Variants in HTR1F observed in about 807,000 individuals in gnomAD.
HTR1F encodes the protein 5-hydroxytryptamine receptor 1F, also known as 5-hydroxytryptamine (serotonin) receptor 1F, G protein-coupled.
In HTR1F, 17 loss-of-function variants were observed where a neutral mutation model predicts 24.0. The observed-to-expected ratio is 0.71, with a 90% CI of 0.48 to 1.06. HTR1F has a LOEUF of 1.06. HTR1F is among the 50% of genes least tolerant of loss of function. HTR1F has a pLI of 0.00. For synonymous variants in HTR1F, 186 were observed against 156.8 expected (o/e 1.19, Z -1.39); for missense variants, 391 against 427.8 (o/e 0.91, Z 0.76).
chr3:87,829,021 T>G (rs1228265914), intron 2 of HTR1F, among the ~76,000 whole-genome samples: 1 of 151,296 alleles, frequency 6.6e-6, no homozygotes, highest in African/African-American at 2.5e-5. Flanking sequence ...TTTTAAAAAT[T>G]TATTGTGGCA....
chr3:87,985,960 G>C (rs1403065054), intron 2 of HTR1F, among the ~76,000 whole-genome samples: 1 of 152,178 alleles, frequency 6.6e-6, no homozygotes, highest in Non-Finnish European at 1.5e-5. Flanking sequence ...AATAAAACCT[G>C]GGGAAGTTTT....
At chr3:87,816,400 A>C (rs1174516382) in intron 1 of HTR1F, among the ~76,000 whole-genome samples, 4 of 152,066 alleles carry the variant, frequency 2.6e-5, no homozygotes, top group African/African-American at 9.7e-5. Context: ...TTGGAGGTCA[A>C]CCGGAAGTGG....
rs548213863 is a variant in HTR1F, at chr3:87,929,478, A to G, written c.-42-61230A>G. Among the ~76,000 whole-genome samples, 12 of 152,348 alleles carry G rather than the reference A, an allele frequency of 7.9e-5. No homozygotes were observed. In the South Asian group the frequency reaches 2.5e-3, roughly 32 times the overall value. The stretch of plus-strand genomic sequence containing the variant: ...TTAACTTCTCTGTATTGGGAATAGT[A>G]ATAATAGGATATAATTTATAGATTC... On this transcript the variant is annotated intron_variant, in intron 2 of 2. Coordinates refer to ENST00000319595, the MANE Select transcript of HTR1F (RefSeq NM_001322209.2).
At chr3:87,974,906 A>G (rs1348416552) in intron 2 of HTR1F, among the ~76,000 whole-genome samples, 1 of 152,154 alleles carries the variant, frequency 6.6e-6, no homozygotes, top group Non-Finnish European at 1.5e-5. Context: ...GTTCTCCAGT[A>G]TTTTTTAATT....
At chr3:87,891,532 G>GA (rs773826515) in intron 2 of HTR1F, among the ~76,000 whole-genome samples, 13 of 152,172 alleles carry the variant, frequency 8.5e-5, no homozygotes, top group Non-Finnish European at 1.6e-4. Context: ...TATAACAATG[G>GA]AACTTTTCCT....
At chr3:87,931,814 C>T (rs7430538) in intron 2 of HTR1F, among the ~76,000 whole-genome samples, 58,294 of 140,796 alleles carry the variant, frequency 0.41, 13,207 homozygotes, top group African/African-American at 0.59. Context: ...GTGAGCATTT[C>T]TTCATGTGTC....
At position 87,933,753 on chromosome 3, in the gene HTR1F, C is replaced by T. The variant is rs538419806; in HGVS notation, c.-42-56955C>T. Among the ~76,000 whole-genome samples the T allele has an allele frequency of 9.9e-5, 15 of 152,204 alleles. No homozygotes were observed. The East Asian group carries it at 1.2e-3, about 12-fold the overall frequency. ...TTCCATGCTCATGGGTAGGAAGAAT[C>T]AATATTATGAAAATGGCCATACTGC... On this transcript the variant is annotated intron_variant, in intron 2 of 2. Transcript: ENST00000319595.
At chr3:87,817,226 A>G (rs1277181329) in intron 1 of HTR1F, among the ~76,000 whole-genome samples, 1 of 152,136 alleles carries the variant, frequency 6.6e-6, no homozygotes, top group Non-Finnish European at 1.5e-5. Context: ...CTTGAATGCT[A>G]TCATGCGGGA....
chr3:87,903,511 AAC>A (rs1369940611), intron 2 of HTR1F, among the ~76,000 whole-genome samples: 10 of 151,256 alleles, frequency 6.6e-5, no homozygotes, highest in African/African-American at 2.2e-4. Flanking sequence ...GCAGCCAAAA[AAC>A]ACATGAAAAA....
intron 2 of HTR1F, among the ~76,000 whole-genome samples, chr3:87,937,676 C>A (rs1439498612): frequency 6.6e-6 from 1 of 152,080 alleles, no homozygotes; most frequent in Non-Finnish European, 1.5e-5. Flanking sequence ...GTAATCCCAG[C>A]ACTTTGGGAG....
chr3:87,925,378 C>T (rs1323077418), intron 2 of HTR1F, among the ~76,000 whole-genome samples: 2 of 152,214 alleles, frequency 1.3e-5, no homozygotes, highest in Admixed American at 1.3e-4. Flanking sequence ...TTCTCAGTTA[C>T]TTGGGTCTTG....
intron 2 of HTR1F, among the ~76,000 whole-genome samples, chr3:87,886,848 C>T (rs1361945041): frequency 6.6e-6 from 1 of 151,012 alleles, no homozygotes. Flanking sequence ...AACAAATAAC[C>T]TTCCATGCTC....
At chr3:87,844,005 T>C (rs1704875955) in intron 2 of HTR1F, among the ~76,000 whole-genome samples, 1 of 150,684 alleles carries the variant, frequency 6.6e-6, no homozygotes, top group East Asian at 1.9e-4. Flanking sequence ...CATGTGTCTT[T>C]ATAGCAGCAT....
chr3:87,843,474 C>T (rs1187351660), intron 2 of HTR1F, among the ~76,000 whole-genome samples: 1 of 150,724 alleles, frequency 6.6e-6, no homozygotes, highest in African/African-American at 2.4e-5. Flanking sequence ...ACCACATAAA[C>T]CTACCACTGG....
At chr3:87,866,923 T>TTTACAGAAATA (rs1705443290) in intron 2 of HTR1F, among the ~76,000 whole-genome samples, 1 of 151,548 alleles carries the variant, frequency 6.6e-6, no homozygotes, top group Non-Finnish European at 1.5e-5. Flanking sequence ...TTCTTTATGG[T>TTTACAGAAATA]CTCCCCTGAG....
intron 2 of HTR1F, among the ~76,000 whole-genome samples, chr3:87,953,687 T>C (rs1704883922): frequency 6.6e-6 from 1 of 151,812 alleles, no homozygotes; most frequent in Non-Finnish European, 1.5e-5. Flanking sequence ...CTACTAGGTA[T>C]TTATCAAAAG....
intron 2 of HTR1F, among the ~76,000 whole-genome samples, chr3:87,952,600 A>G (rs1399378684): frequency 6.6e-6 from 1 of 152,026 alleles, no homozygotes; most frequent in Non-Finnish European, 1.5e-5. Flanking sequence ...TGATATCTTC[A>G]CGTAGAAATT....
chr3:87,839,061 AT>A (rs1172908422), intron 2 of HTR1F, among the ~76,000 whole-genome samples: 1 of 121,044 alleles, frequency 8.3e-6, no homozygotes, highest in Non-Finnish European at 1.9e-5. Context: ...TTTTAGTTTG[AT>A]TTAATCTTTT....
At chr3:87,974,049 A>T (rs530169567) in intron 2 of HTR1F, among the ~76,000 whole-genome samples, 55 of 152,282 alleles carry the variant, frequency 3.6e-4, no homozygotes, top group African/African-American at 1.3e-3. Flanking sequence ...TGTGAGAGAC[A>T]ACTCTCGAGC....
Sources: gnomAD v4.1 joint callset for allele counts (sites outside exome capture counted in the v4.1 genomes callset) on GRCh38, gnomAD v4.1.1 for gene constraint, MANE v1.5 for transcripts, NCBI Gene and HGNC (gene_info 2026-07-23, HGNC 2026-07-21) for gene names.